NXNL2: variants seen among roughly 807,000 people sequenced by gnomAD.
NXNL2 encodes the protein nucleoredoxin-like protein 2.
A neutral mutation model predicts 11.1 loss-of-function variants in NXNL2; 7 were observed. That is an observed-to-expected ratio of 0.63 (90% CI 0.36 to 1.18). The LOEUF is 1.18. NXNL2 is among the 50% of genes most tolerant of loss of function. The probability of loss-of-function intolerance (pLI) is 0.02; values close to 1 mark genes in which losing one functional copy is unlikely to be tolerated. For synonymous variants in NXNL2, 109 were observed against 101.8 expected (o/e 1.07, Z -0.42); for missense variants, 233 against 217.7 (o/e 1.07, Z -0.44).
chr9:88,544,374 T>G lies in NXNL2; in HGVS notation c.303-5T>G. ...TAACTTCGGTACCACTCTTCTGTCC[T>G]GCAGTGAGCTGAGGAAGAGGTACAA... On this transcript the variant is annotated splice_region_variant and splice_polypyrimidine_tract_variant and intron_variant, in intron 1 of 1. Transcript: ENST00000375854. 6.4e-7 allele frequency: 1 copy of G among 1,551,518 alleles called. No individual in the cohort carries two copies. The highest frequency in any genetic ancestry group is 1.2e-5 in the South Asian group (1 of 84,046).
Position 88,535,705 on chromosome 9 carries a change from C to G in NXNL2, c.271C>G (p.Leu91Val). The change falls in exon 1 of 2, where the codon CTG becomes GTG. Residue 91 changes from leucine to valine, a missense_variant. Leu to Val is a conservative substitution (Grantham distance 32). Transcript: ENST00000375854. ...CATGCGCGAGCTGCATGGCGCCTGG[C>G]TGGCGCTGCCCTTCCACGACCCCTA... ...DFMRELHGAW[L>V]ALPFHDPYRH... 6.3e-7 allele frequency: 1 copy of G among 1,593,920 alleles called. No individual in the cohort carries two copies.
chr9:88,545,915 C>A (rs1048436188), downstream of NXNL2, among the ~76,000 whole-genome samples: 1 of 151,374 alleles, frequency 6.6e-6, no homozygotes, highest in Non-Finnish European at 1.5e-5. Context: ...TACAGGCGCC[C>A]GCCACCACGC....
At chr9:88,551,587 C>T (rs1055403659) in intron 1 of NXNL2, among the ~76,000 whole-genome samples, 1 of 152,104 alleles carries the variant, frequency 6.6e-6, no homozygotes, top group African/African-American at 2.4e-5. Flanking sequence ...AGGATATTAA[C>T]CATATTTTTA....
In NXNL2 at chr9:88,582,424, G is replaced by C. The variant is rs534635367; in HGVS notation, n.552-1575G>C. On this transcript the variant is annotated intron_variant and non_coding_transcript_variant, in intron 1 of 1. Transcript: ENST00000478686. ...GCGGAGCTTGCAGTGAGCCGAGATC[G>C]CACCACTGCACTCCAGCCTGGGCGA... is the stretch of plus-strand genomic sequence containing the variant. 5.4e-4 allele frequency among the ~76,000 whole-genome samples: 82 copies of C among 152,018 alleles called. 1 individual carries two copies. Among genetic ancestry groups the C allele is most frequent in the African/African-American group, 1.8e-3 (74 of 41,470 alleles).
chr9:88,554,498 C>T (rs1006327030), intron 1 of NXNL2, among the ~76,000 whole-genome samples: 16 of 152,160 alleles, frequency 1.1e-4, no homozygotes, highest in Non-Finnish European at 1.9e-4. Context: ...AGCCACCGCA[C>T]CCAGACAGGC....
At chr9:88,567,712 A>G (rs1830197143) in intron 1 of NXNL2, among the ~76,000 whole-genome samples, 1 of 152,202 alleles carries the variant, frequency 6.6e-6, no homozygotes, top group Admixed American at 6.5e-5. Flanking sequence ...CGCTAATAAA[A>G]TAAGACACTA....
chr9:88,540,447 G>A (rs956760297), intron 1 of NXNL2, among the ~76,000 whole-genome samples: 3 of 150,692 alleles, frequency 2.0e-5, no homozygotes, highest in African/African-American at 7.3e-5. Flanking sequence ...GGCTCCATCT[G>A]GCCGAGTTCC....
intron 1 of NXNL2, among the ~76,000 whole-genome samples, chr9:88,552,204 C>T (rs904253452): frequency 4.6e-5 from 7 of 152,110 alleles, no homozygotes; most frequent in Non-Finnish European, 7.3e-5. Flanking sequence ...ACTCCCCTTC[C>T]GCTTTTACAG....
downstream of NXNL2, among the ~76,000 whole-genome samples, chr9:88,547,044 A>G (rs10868792): frequency 0.34 from 51,391 of 152,166 alleles, 15,687 homozygotes; most frequent in East Asian, 0.8. Flanking sequence ...TGGCAGTGTG[A>G]TGTGGGCACC....
chr9:88,535,611 G>T lies in NXNL2; in HGVS notation c.177G>T (p.Ala59=), dbSNP rs1345108619. 10 of 1,608,302 alleles carry T rather than the reference G, an allele frequency of 6.2e-6. No individual in the cohort carries two copies. In the South Asian group the frequency reaches 1.1e-4, roughly 18 times the overall value. ...TCTATACGGCGCTGGTGGCCGAGGC[G>T]CGGCGGCCCGCGCCCTTCGAAGTGG... ...CDFYTALVAE[A]RRPAPFEVVF... Residue 59 remains alanine, a synonymous_variant, in exon 1 of 2, where the codon GCG becomes GCT. Transcript: ENST00000375854.
downstream of NXNL2, among the ~76,000 whole-genome samples, chr9:88,548,104 C>CT (rs397826128): frequency 3.4e-4 from 51 of 150,700 alleles, 2 homozygotes; most frequent in South Asian, 0.01. Context: ...TTTGGGAGGC[C>CT]GAGGTGGGTG....
chr9:88,538,362 G>A (rs1052541441), intron 1 of NXNL2: 4 of 152,214 alleles, frequency 2.6e-5, no homozygotes, highest in African/African-American at 9.7e-5. Context: ...CAGCAGCAAT[G>A]AGAACAACTC....
rs1221248589 is a variant in NXNL2 at position 88,535,493 on chromosome 9, C to A, written c.59C>A (p.Ala20Asp). ...LVTCKGATVE[A>D]EAALQNKVVA... ...ACCTGTAAGGGCGCGACGGTGGAGG[C>A]CGAGGCGGCGCTGCAGAACAAGGTG... is the stretch of plus-strand genomic sequence containing the variant. Residue 20 changes from alanine to aspartate, a missense_variant, in exon 1 of 2, where the codon GCC (alanine) becomes GAC (aspartate). Ala to Asp is a moderately radical substitution (Grantham distance 126). Coordinates refer to ENST00000375854, the MANE Select transcript of NXNL2 (RefSeq NM_001161625.2). 1 of 1,609,434 alleles carries A rather than the reference C, an allele frequency of 6.2e-7. No individual in the cohort carries two copies. The highest frequency in any genetic ancestry group is 1.1e-5 in the South Asian group (1 of 90,858).
At chr9:88,577,915 G>T (rs1830365752), downstream of NXNL2, among the ~76,000 whole-genome samples, 1 of 152,218 alleles carries the variant, frequency 6.6e-6, no homozygotes, top group African/African-American at 2.4e-5. Context: ...GGGTCTGGCA[G>T]CAAGAGCAGT....
At chr9:88,569,498 T>C (rs2098912743) in intron 1 of NXNL2, among the ~76,000 whole-genome samples, 1 of 152,232 alleles carries the variant, frequency 6.6e-6, no homozygotes, top group African/African-American at 2.4e-5. Context: ...TAATTTTTCA[T>C]CTCTTCGGGT....
chr9:88,559,724 C>T (rs971086563), intron 1 of NXNL2, among the ~76,000 whole-genome samples: 2 of 152,204 alleles, frequency 1.3e-5, no homozygotes, highest in Non-Finnish European at 2.9e-5. Context: ...AGAACAATCA[C>T]GACCAGTAAG....
downstream of NXNL2, among the ~76,000 whole-genome samples, chr9:88,584,444 C>T (rs574832651): frequency 5.3e-5 from 8 of 152,252 alleles, no homozygotes; most frequent in South Asian, 2.1e-4. Flanking sequence ...CTAATCCTGC[C>T]GGGCATCTTA....
chr9:88,535,335 C>A lies in NXNL2; in HGVS notation c.-100C>A. ...TTGAGAGGTCCAGCGCCCGGTGGTGCGGACAGAGGCGGGGCACCGCGGCGC... is the reference window on the plus strand; with the variant it reads ...TTGAGAGGTCCAGCGCCCGGTGGTGAGGACAGAGGCGGGGCACCGCGGCGC... On this transcript the variant is annotated 5_prime_UTR_variant, in exon 1 of 2. Transcript: ENST00000375854. The A allele has an allele frequency of 8.1e-6, 10 of 1,236,942 alleles. No individual in the cohort carries two copies. The highest frequency in any genetic ancestry group is 1.1e-5 in the Non-Finnish European group (10 of 915,004). 76.6% of individuals were successfully genotyped at this position (1,236,942 alleles called of 1,614,324 possible).
At chr9:88,571,461 A>G (rs1226197592) in intron 2 of NXNL2, among the ~76,000 whole-genome samples, 1 of 152,232 alleles carries the variant, frequency 6.6e-6, no homozygotes, top group Non-Finnish European at 1.5e-5. Context: ...AGGCCTGTAC[A>G]TGGGAAAATC....
Sources: gnomAD v4.1 joint callset for allele counts (sites outside exome capture counted in the v4.1 genomes callset) on GRCh38, gnomAD v4.1.1 for gene constraint, MANE v1.5 for transcripts, NCBI Gene and HGNC (gene_info 2026-07-23, HGNC 2026-07-21) for gene names.